The following CFAP58 variants were observed in gnomAD, a reference collection of about 807,000 sequenced individuals.
The protein encoded by CFAP58 is cilia and flagella associated protein 58.
CFAP58 carries 88 observed loss-of-function variants against 119.5 expected under a neutral mutation model. The ratio of observed to expected loss-of-function variants is 0.74; its 90% CI spans 0.62 to 0.88. The LOEUF (loss-of-function observed/expected upper bound fraction) is 0.88, where lower values mean the gene tolerates loss of function less well. Ranked by LOEUF, CFAP58 falls within the 40% of genes least tolerant of loss-of-function variation. The probability of loss-of-function intolerance (pLI) is 0.00; values close to 1 mark genes in which losing one functional copy is unlikely to be tolerated. For synonymous variants in CFAP58, 365 were observed against 366.3 expected (o/e 1.00, Z 0.04); for missense variants, 990 against 1,021.2 (o/e 0.97, Z 0.42).
intron 9 of CFAP58, among the ~76,000 whole-genome samples, chr10:104,388,707 C>T (rs993211231): frequency 1.3e-5 from 2 of 152,142 alleles, no homozygotes; most frequent in African/African-American, 4.8e-5. Flanking sequence ...ATGCAATGAC[C>T]TACTTTCTAA....
chr10:104,340,648 G>T, the CFAP58 span, among the ~76,000 whole-genome samples: 1 of 152,214 alleles, frequency 6.6e-6, no homozygotes, highest in African/African-American at 2.4e-5. Context: ...AACAGTGAAA[G>T]GCTGAATAAA....
intron 11 of CFAP58, among the ~76,000 whole-genome samples, chr10:104,395,009 G>T (rs986168526): frequency 6.6e-6 from 1 of 152,184 alleles, no homozygotes; most frequent in African/African-American, 2.4e-5. Context: ...AAAGGATGGT[G>T]TTGGGTCTCA....
chr10:104,434,439 C>T (rs2012898187), intron 15 of CFAP58, among the ~76,000 whole-genome samples: 1 of 152,166 alleles, frequency 6.6e-6, no homozygotes, highest in African/African-American at 2.4e-5. Context: ...CCTCAGGTCT[C>T]CTAAGTTAGC....
the CFAP58 span, among the ~76,000 whole-genome samples, chr10:104,341,916 A>G: frequency 6.6e-6 from 1 of 152,218 alleles, no homozygotes. Context: ...AAATCTTCTA[A>G]AGTCAGTGCA....
In CFAP58 at chr10:104,358,465, G is replaced by A; in HGVS notation, c.134G>A (p.Arg45Lys). Residue 45 changes from arginine (R) to lysine (K), a missense_variant, in exon 2 of 18, where the codon AGG becomes AAG. By Grantham distance (26) the Arg-to-Lys change is conservative. Transcript: ENST00000369704. ...SLEKFRIEYE[R>K]LHAVMKKSYD... ...GAAAAATTTCGGATTGAATATGAGA[G>A]GCTTCATGCTGTCATGAAAAAGTCT... 6.2e-7 allele frequency: 1 copy of A among 1,613,976 alleles called. No individual in the cohort carries two copies. The highest frequency in any genetic ancestry group is 8.5e-7 in the Non-Finnish European group (1 of 1,179,990).
chr10:104,386,671 G>A (rs983155219), intron 9 of CFAP58, among the ~76,000 whole-genome samples: 7 of 152,064 alleles, frequency 4.6e-5, no homozygotes, highest in African/African-American at 1.7e-4. Context: ...ATTCAATTTT[G>A]AGTTCTTCAT....
intron 15 of CFAP58, among the ~76,000 whole-genome samples, chr10:104,438,591 G>C (rs906827217): frequency 6.6e-6 from 1 of 151,974 alleles, no homozygotes; most frequent in Non-Finnish European, 1.5e-5. Context: ...TAGCCAGGAT[G>C]GTCTCGATCC....
chr10:104,357,935 A>T, intron 1 of CFAP58, among the ~76,000 whole-genome samples: 1 of 123,332 alleles, frequency 8.1e-6, no homozygotes, highest in Non-Finnish European at 1.6e-5. Flanking sequence ...ACATATACAC[A>T]CATATATGTA....
chr10:104,407,605 G>A (rs909048194), intron 15 of CFAP58, among the ~76,000 whole-genome samples: 1 of 152,166 alleles, frequency 6.6e-6, no homozygotes, highest in African/African-American at 2.4e-5. Flanking sequence ...ATATTGTGAG[G>A]ATGGAAAGGG....
chr10:104,375,359 G>A (rs12267798), intron 7 of CFAP58, among the ~76,000 whole-genome samples: 15,882 of 151,826 alleles, frequency 0.1, 1,817 homozygotes, highest in African/African-American at 0.29. Flanking sequence ...TTTCACTTCC[G>A]TTTATCTGAA....
chr10:104,390,118 A>G (rs1303711667), intron 9 of CFAP58, among the ~76,000 whole-genome samples: 1 of 152,154 alleles, frequency 6.6e-6, no homozygotes, highest in African/African-American at 2.4e-5. Flanking sequence ...CAGCTATTCT[A>G]CTCCTGGGAA....
At chr10:104,405,680 T>TCTG (rs1369781393) in intron 14 of CFAP58, among the ~76,000 whole-genome samples, 1 of 152,236 alleles carries the variant, frequency 6.6e-6, no homozygotes, top group Non-Finnish European at 1.5e-5. Context: ...ATGGTAGTGT[T>TCTG]CTGCTGCCAA....
At chr10:104,421,553 A>G (rs1164363491) in intron 15 of CFAP58, among the ~76,000 whole-genome samples, 1 of 152,214 alleles carries the variant, frequency 6.6e-6, no homozygotes, top group Admixed American at 6.5e-5. Context: ...CTGGTCATCT[A>G]AGATTCAAGG....
chr10:104,450,843 C>T (rs987729281), intron 17 of CFAP58, among the ~76,000 whole-genome samples: 11 of 151,910 alleles, frequency 7.2e-5, no homozygotes. Context: ...GGTGTCCTGC[C>T]TGCCTAGGTT....
intron 13 of CFAP58, among the ~76,000 whole-genome samples, chr10:104,401,867 A>T (rs1164826439): frequency 1.1e-4 from 16 of 152,198 alleles, no homozygotes; most frequent in Admixed American, 1.0e-3. Flanking sequence ...GGATTAGAAA[A>T]TCACTCATAA....
intron 15 of CFAP58, among the ~76,000 whole-genome samples, chr10:104,445,003 C>G (rs1022293476): frequency 6.6e-6 from 1 of 152,212 alleles, no homozygotes; most frequent in East Asian, 1.9e-4. Context: ...TATAATAAAT[C>G]CATTTCAATT....
chr10:104,404,755 G>A (rs974201395), intron 14 of CFAP58, among the ~76,000 whole-genome samples: 5 of 152,072 alleles, frequency 3.3e-5, no homozygotes, highest in Non-Finnish European at 5.9e-5. Context: ...GACTACAGGC[G>A]TCCACCACCA....
At chr10:104,346,502 C>A in the CFAP58 span, among the ~76,000 whole-genome samples, 1 of 151,898 alleles carries the variant, frequency 6.6e-6, no homozygotes, top group Non-Finnish European at 1.5e-5. Flanking sequence ...TGTGCAACAC[C>A]ACGCCCAGCT....
At chr10:104,386,619 G>A (rs1017793387) in intron 9 of CFAP58, among the ~76,000 whole-genome samples, 1 of 152,042 alleles carries the variant, frequency 6.6e-6, no homozygotes, top group Non-Finnish European at 1.5e-5. Flanking sequence ...ACTTGTGTAT[G>A]TCTGCCTCAT....
Sources: allele counts gnomAD v4.1 joint callset (sites outside exome capture counted in the v4.1 genomes callset), GRCh38; gene constraint gnomAD v4.1.1; transcripts MANE v1.5; gene names NCBI Gene and HGNC (gene_info 2026-07-23, HGNC 2026-07-21).